The following IDI1 variants were observed in gnomAD, a reference collection of about 807,000 sequenced individuals.
The protein encoded by IDI1 is isopentenyl-diphosphate delta isomerase 1.
A neutral mutation model predicts 32.9 loss-of-function variants in IDI1; 23 were observed. That is an observed-to-expected ratio of 0.70 (90% confidence interval 0.50 to 0.99). IDI1 has a LOEUF of 0.99. Among genes scored for constraint, IDI1 ranks in the 50% least tolerant of loss-of-function variants. The pLI, the probability that IDI1 is intolerant of heterozygous loss-of-function variation, is 0.00. For synonymous variants in IDI1, 133 were observed against 128.2 expected, an observed-to-expected ratio of 1.04 and a Z score of -0.25; for missense variants, 326 against 351.9, an observed-to-expected ratio of 0.93 and a Z score of 0.59.
chr10:1,056,664 T>C, the IDI1 span: 11 of 152,208 alleles, frequency 7.2e-5, no homozygotes, highest in African/African-American at 2.4e-4. Flanking sequence ...CGAAGGGGTC[T>C]TCAGCGCGCC....
At chr10:1,055,411 C>T in the IDI1 span, among the ~76,000 whole-genome samples, 1 of 152,046 alleles carries the variant, frequency 6.6e-6, no homozygotes, top group Non-Finnish European at 1.5e-5. Flanking sequence ...ATTACATTAG[C>T]GATATTCTTG....
rs756211813 is a variant in IDI1, at chr10:1,042,638, C to T, written c.531G>A (p.Leu177=). The T allele has an allele frequency of 2.5e-6, 4 of 1,613,838 alleles. No homozygotes were observed. In the East Asian group the frequency reaches 6.7e-5, roughly 27 times the overall value. Residue 177 remains leucine (L), a synonymous_variant, in exon 4 of 5, where the codon TTG becomes TTA. Transcript: ENST00000381344. ...GTGTAGGAGAGCTGGTTACCTCTTC[C>T]AAGGGAATTCCTAGCTCAGCTTTCA... ...RRLKAELGIP[L]EEVPPEEINY...
chr10:1,045,107 TTTGGCCTATAGGCCATAG>T (rs775487242), intron 1 of IDI1, among the ~76,000 whole-genome samples: 15 of 152,398 alleles, frequency 9.8e-5, no homozygotes, highest in Non-Finnish European at 1.5e-4. Context: ...GCAGGCCAGA[TTTGGCCTATAGGCCATAG>T]TTGGCCCATT....
intron 1 of IDI1, 160 bp downstream of exon 1, chr10:1,048,704 T>A: frequency 7.0e-7 from 1 of 1,421,458 alleles, no homozygotes; most frequent in Non-Finnish European, 9.1e-7. Context: ...CCGGCCTCCC[T>A]CCAGTTCGGG....
Position 1,042,614 on chromosome 10 carries a change from T to C in IDI1, c.537+18A>G. On this transcript the variant is annotated intron_variant, in intron 4 of 4. Coordinates refer to ENST00000381344, the MANE Select transcript of IDI1 (RefSeq NM_004508.4). ...GTTTAGGTTTCAGCTTGTATGGTTG[T>C]GTAGGAGAGCTGGTTACCTCTTCCA... The C allele has an allele frequency of 6.2e-7, 1 of 1,613,256 alleles. No homozygotes were observed. The highest frequency in any genetic ancestry group is 8.5e-7 in the Non-Finnish European group (1 of 1,179,390).
At chr10:1,041,883 G>A (rs1385281023) in intron 4 of IDI1, among the ~76,000 whole-genome samples, 1 of 149,718 alleles carries the variant, frequency 6.7e-6, no homozygotes, top group Non-Finnish European at 1.5e-5. Flanking sequence ...TCAGCTCACT[G>A]CAACCTCCGC....
In IDI1 at chr10:1,040,567, A is replaced by G. The variant is rs1429145560; in HGVS notation, c.*620T>C. On this transcript the variant is annotated 3_prime_UTR_variant, in exon 5 of 5. Transcript: ENST00000381344. ...TTCAACCTAATCAATATCACTTATC[A>G]AAAGCAGTGGCTGACTGTAAGTATC... is the stretch of plus-strand genomic sequence containing the variant. 1 of 152,336 alleles carries G rather than the reference A, an allele frequency of 6.6e-6. No homozygotes were observed. Among genetic ancestry groups the G allele is most frequent in the Non-Finnish European group, 1.5e-5 (1 of 68,132 alleles). The allele number at this position is 152,336 out of a possible 1,614,324, so 9.4% of individuals were successfully genotyped here. A position where few individuals can be genotyped will look rare whatever the true frequency, so the allele number is the denominator to read the frequency against.
At chr10:1,054,552 T>C in the IDI1 span, among the ~76,000 whole-genome samples, 4 of 152,312 alleles carry the variant, frequency 2.6e-5, no homozygotes, top group South Asian at 2.1e-4. Flanking sequence ...TGTGACAAAA[T>C]AGAAATTGGT....
chr10:1,052,977 C>T (rs1037706640), upstream of IDI1, among the ~76,000 whole-genome samples: 2 of 152,138 alleles, frequency 1.3e-5, no homozygotes, highest in African/African-American at 4.8e-5. Context: ...AGGTAGATCT[C>T]CTAGATGACT....
chr10:1,042,589 G>C, intron 4 of IDI1, 43 bp downstream of exon 4: 1 of 1,601,846 alleles, frequency 6.2e-7, no homozygotes, highest in South Asian at 1.1e-5. Context: ...TTTATAGTAT[G>C]TTTAGGTTTC....
chr10:1,051,490 C>T (rs1024427746), upstream of IDI1, among the ~76,000 whole-genome samples: 1 of 152,134 alleles, frequency 6.6e-6, no homozygotes, highest in South Asian at 2.1e-4. Flanking sequence ...CCAGTAAAAG[C>T]GGTATTTCAT....
At chr10:1,047,993 A>G (rs1832846793) in intron 1 of IDI1, among the ~76,000 whole-genome samples, 1 of 152,202 alleles carries the variant, frequency 6.6e-6, no homozygotes, top group Non-Finnish European at 1.5e-5. Context: ...TCGTTACTAC[A>G]TAATTACTAG....
intron 1 of IDI1, chr10:1,048,526 T>G (rs1003392227): frequency 7.8e-7 from 1 of 1,276,872 alleles, no homozygotes; most frequent in African/African-American, 1.5e-5. Flanking sequence ...GACTCGCAAC[T>G]CTTAGTCTCC....
chr10:1,045,866 G>GGTGTGTGTGTGTGTGTGT (rs10598743), intron 1 of IDI1, among the ~76,000 whole-genome samples: 1 of 150,956 alleles, frequency 6.6e-6, no homozygotes, highest in Non-Finnish European at 1.5e-5. Context: ...ATAGGGTCTG[G>GGTGTGTGTGTGTGTGTGT]GTGTGTGTGT....
At position 1,048,751 on chromosome 10, in the gene IDI1, G is replaced by C. The variant is rs992641116; in HGVS notation, c.140+113C>G. The stretch of plus-strand genomic sequence containing the variant: ...GCCACCCCCAGCTGTCCAGGCCTCC[G>C]CGCCGAGACCTCACGGGTGGCTCAG... On this transcript the variant is annotated intron_variant, in intron 1 of 4. Coordinates refer to ENST00000381344, the MANE Select transcript of IDI1 (RefSeq NM_004508.4). 21 of 1,484,680 alleles carry C rather than the reference G, an allele frequency of 1.4e-5. No individual in the cohort carries two copies. The African/African-American group carries it at 3.0e-4, about 21-fold the overall frequency. The allele number at this position is 1,484,680 out of a possible 1,614,324, so 92.0% of individuals were successfully genotyped here. A position where few individuals can be genotyped will look rare whatever the true frequency, so the allele number is the denominator to read the frequency against.
chr10:1,051,461 G>A (rs12242753), upstream of IDI1, among the ~76,000 whole-genome samples: 72 of 152,260 alleles, frequency 4.7e-4, no homozygotes, highest in African/African-American at 1.7e-3. Context: ...GAATACCTCA[G>A]TTTATCTGTC....
In IDI1 at chr10:1,040,014, TAACA is replaced by T. The variant is rs1302371968; in HGVS notation, c.*1169_*1172del. On this transcript the variant is annotated 3_prime_UTR_variant, in exon 5 of 5. Coordinates refer to ENST00000381344, the MANE Select transcript of IDI1 (RefSeq NM_004508.4). ...CATAAATGAGTCATTCTATTGAATT[TAACA>T]AACATTTAACTTTGCAAGAAATAAA... The T allele has an allele frequency of 6.6e-6, 1 of 152,234 alleles. No individual in the cohort carries two copies. Among genetic ancestry groups the T allele is most frequent in the African/African-American group, 2.4e-5 (1 of 41,454 alleles). The allele number at this position is 152,234 out of a possible 1,614,324, so 9.4% of individuals were successfully genotyped here. A position where few individuals can be genotyped will look rare whatever the true frequency, so the allele number is the denominator to read the frequency against.
the IDI1 span, among the ~76,000 whole-genome samples, chr10:1,054,973 G>A: frequency 5.6e-3 from 848 of 152,324 alleles, 13 homozygotes; most frequent in Admixed American, 0.04. Flanking sequence ...ATGCCTAGAC[G>A]CTGAGATGCA....
upstream of IDI1, among the ~76,000 whole-genome samples, chr10:1,051,920 T>A (rs929897945): frequency 2.0e-5 from 3 of 152,236 alleles, no homozygotes; most frequent in African/African-American, 7.2e-5. Flanking sequence ...TCGCCCAGGC[T>A]GAAGTGCAGT....
Sources: allele counts gnomAD v4.1 joint callset (sites outside exome capture counted in the v4.1 genomes callset), GRCh38; gene constraint gnomAD v4.1.1; transcripts MANE v1.5; gene names NCBI Gene and HGNC (gene_info 2026-07-23, HGNC 2026-07-21).